KHDRBS3: variants seen among roughly 807,000 people sequenced by gnomAD.
KHDRBS3 encodes the protein KH domain-containing, RNA-binding, signal transduction-associated protein 3.
Under a neutral mutation model 45.6 loss-of-function variants are expected in KHDRBS3, and 23 were observed. That is an observed-to-expected ratio of 0.50 (90% confidence interval 0.36 to 0.72). The LOEUF is 0.72. Among genes scored for constraint, KHDRBS3 ranks in the 30% least tolerant of loss-of-function variants. The probability of loss-of-function intolerance (pLI) is 0.00; values close to 1 mark genes in which losing one functional copy is unlikely to be tolerated. For missense variants in KHDRBS3, 352 were observed against 424.8 expected (o/e 0.83, Z 1.51); for synonymous variants, 162 against 156.5 (o/e 1.04, Z -0.26).
intron 3 of KHDRBS3, among the ~76,000 whole-genome samples, chr8:135,543,386 A>G (rs1039626419): frequency 1.3e-5 from 2 of 152,162 alleles, no homozygotes; most frequent in Non-Finnish European, 2.9e-5. Context: ...TCATATCATA[A>G]TGTGTGTCAC....
intron 5 of KHDRBS3, among the ~76,000 whole-genome samples, chr8:135,568,712 T>C (rs969598525): frequency 6.6e-6 from 1 of 152,210 alleles, no homozygotes; most frequent in African/African-American, 2.4e-5. Flanking sequence ...AAACATGTGC[T>C]CTCTGAAACA....
chr8:135,504,197 A>G (rs1445248187), intron 1 of KHDRBS3, among the ~76,000 whole-genome samples: 1 of 152,088 alleles, frequency 6.6e-6, no homozygotes, highest in African/African-American at 2.4e-5. Flanking sequence ...CTCTTTCCAT[A>G]TCATTATTAA....
chr8:135,508,857 T>C (rs145064417), intron 1 of KHDRBS3, among the ~76,000 whole-genome samples: 53 of 152,296 alleles, frequency 3.5e-4, no homozygotes, highest in African/African-American at 1.2e-3. Context: ...GTTGTTTAGG[T>C]ATACTTTCCT....
intron 7 of KHDRBS3, among the ~76,000 whole-genome samples, chr8:135,624,630 T>G (rs191100224): frequency 6.6e-6 from 1 of 152,344 alleles, no homozygotes; most frequent in East Asian, 1.9e-4. Context: ...GACCAAAGTC[T>G]AGGCCTGTGA....
At chr8:135,596,268 T>G (rs1828969629) in intron 6 of KHDRBS3, among the ~76,000 whole-genome samples, 1 of 152,196 alleles carries the variant, frequency 6.6e-6, no homozygotes, top group Non-Finnish European at 1.5e-5. Context: ...GCAATGAGCT[T>G]CTGCCAATTT....
chr8:135,473,244 T>C (rs1009878651), intron 1 of KHDRBS3, among the ~76,000 whole-genome samples: 4 of 152,116 alleles, frequency 2.6e-5, no homozygotes, highest in South Asian at 4.1e-4. Context: ...CCTCAAAGCT[T>C]CTCTTCATTG....
chr8:135,552,545 G>C (rs1235780536), intron 4 of KHDRBS3, among the ~76,000 whole-genome samples: 1 of 151,934 alleles, frequency 6.6e-6, no homozygotes, highest in African/African-American at 2.4e-5. Flanking sequence ...TTCTTTGCAT[G>C]TTTCTTAATT....
At chr8:135,604,992 T>G (rs6983445) in intron 6 of KHDRBS3, among the ~76,000 whole-genome samples, 15,834 of 151,764 alleles carry the variant, frequency 0.1, 1,570 homozygotes, top group African/African-American at 0.26. Flanking sequence ...TAGTTTTTGT[T>G]AGAAATCAGC....
At chr8:135,546,450 C>T (rs1006993668) in intron 3 of KHDRBS3, among the ~76,000 whole-genome samples, 1 of 152,166 alleles carries the variant, frequency 6.6e-6, no homozygotes, top group African/African-American at 2.4e-5. Context: ...TAGTTGGTTA[C>T]ATAGCATAAT....
chr8:135,505,369 C>A (rs561874405), intron 1 of KHDRBS3, among the ~76,000 whole-genome samples: 1 of 152,224 alleles, frequency 6.6e-6, no homozygotes, highest in African/African-American at 2.4e-5. Context: ...CACTTCCCTG[C>A]CCTGCTTGTG....
intron 1 of KHDRBS3, among the ~76,000 whole-genome samples, chr8:135,469,324 G>T (rs1036951370): frequency 6.6e-6 from 1 of 151,954 alleles, no homozygotes; most frequent in Non-Finnish European, 1.5e-5. Flanking sequence ...TCGCTCTGTC[G>T]CCCAGGCTGG....
chr8:135,561,884 G>C (rs991976101), intron 5 of KHDRBS3, among the ~76,000 whole-genome samples: 1 of 151,896 alleles, frequency 6.6e-6, no homozygotes, highest in Non-Finnish European at 1.5e-5. Flanking sequence ...TAACAGAAGA[G>C]TACTGATAGG....
chr8:135,535,548 T>C (rs1159815971), intron 2 of KHDRBS3, among the ~76,000 whole-genome samples: 1 of 151,670 alleles, frequency 6.6e-6, no homozygotes, highest in African/African-American at 2.4e-5. Context: ...CATTATGGTC[T>C]TTATGGGATA....
At chr8:135,480,986 A>G (rs568678292) in intron 1 of KHDRBS3, among the ~76,000 whole-genome samples, 74 of 152,160 alleles carry the variant, frequency 4.9e-4, no homozygotes, top group South Asian at 2.5e-3. Flanking sequence ...AACCACCAGC[A>G]TTATTCTTCT....
At chr8:135,505,456 G>C (rs1385514652) in intron 1 of KHDRBS3, among the ~76,000 whole-genome samples, 1 of 152,112 alleles carries the variant, frequency 6.6e-6, no homozygotes, top group Non-Finnish European at 1.5e-5. Context: ...CCTCCCGCCT[G>C]CTGATTCCCA....
At chr8:135,655,620 G>C (rs578052326) in intron 4 of KHDRBS3, among the ~76,000 whole-genome samples, 1 of 152,296 alleles carries the variant, frequency 6.6e-6, no homozygotes, top group African/African-American at 2.4e-5. Context: ...GTTGTTTTGA[G>C]CACACTTTGT....
chr8:135,538,947 CAACA>C (rs1368189186), intron 2 of KHDRBS3: 1 of 151,928 alleles, frequency 6.6e-6, no homozygotes. Flanking sequence ...CAAAAAACAA[CAACA>C]AAAAAAACCT....
chr8:135,640,363 A>C (rs1194551430), intron 7 of KHDRBS3, among the ~76,000 whole-genome samples: 2 of 152,130 alleles, frequency 1.3e-5, no homozygotes, highest in African/African-American at 4.8e-5. Flanking sequence ...AACCCCACTC[A>C]TAGAGGTGGG....
At chr8:135,510,043 A>C (rs1358261174) in intron 1 of KHDRBS3, among the ~76,000 whole-genome samples, 2 of 142,820 alleles carry the variant, frequency 1.4e-5, no homozygotes, top group Admixed American at 1.5e-4. Context: ...GCAGTAGTGC[A>C]GGCATAGGTC....
Sources: allele counts gnomAD v4.1 joint callset (sites outside exome capture counted in the v4.1 genomes callset), GRCh38; gene constraint gnomAD v4.1.1; transcripts MANE v1.5; gene names NCBI Gene and HGNC (gene_info 2026-07-23, HGNC 2026-07-21).